Variants in PNPLA3 observed in about 807,000 individuals in gnomAD.
PNPLA3 encodes the protein 1-acylglycerol-3-phosphate O-acyltransferase PNPLA3.
A neutral mutation model predicts 43.1 loss-of-function variants in PNPLA3; 42 were observed. The ratio of observed to expected loss-of-function variants is 0.97; its 90% CI spans 0.76 to 1.26. The LOEUF is 1.26. Among genes scored for constraint, PNPLA3 ranks in the 50% most tolerant of loss-of-function variants. PNPLA3 has a pLI of 0.00. For missense variants in PNPLA3, 647 were observed against 621.4 expected (o/e 1.04, Z -0.44); for synonymous variants, 272 against 253.6 (o/e 1.07, Z -0.69).
chr22:43,932,977 A>AC lies in PNPLA3; in HGVS notation c.586_587insC (p.Lys196ThrfsTer77), dbSNP rs2049971398. The AC allele has an allele frequency of 6.2e-7, 1 of 1,614,028 alleles. No individual in the cohort carries two copies. The highest frequency in any genetic ancestry group is 8.5e-7 in the Non-Finnish European group (1 of 1,180,024). On this transcript the variant is annotated frameshift_variant, in exon 4 of 9. Coordinates refer to ENST00000216180, the MANE Select transcript of PNPLA3 (RefSeq NM_025225.3). LOFTEE classifies it high-confidence loss of function. ...CTATGGGGAGTACGACATCTGCCCT[A>AC]AAGTCAAGTCCACGAACTTTCTTCA...
chr22:43,939,769 T>C (rs1312175693), intron 6 of PNPLA3, among the ~76,000 whole-genome samples: 5 of 148,714 alleles, frequency 3.4e-5, no homozygotes, highest in African/African-American at 5.0e-5. Flanking sequence ...TGAGCCGAGA[T>C]TGCGCCATTG....
chr22:43,928,177 G>T (rs1157749186), intron 2 of PNPLA3, among the ~76,000 whole-genome samples: 3 of 152,350 alleles, frequency 2.0e-5, no homozygotes, highest in African/African-American at 7.2e-5. Flanking sequence ...CAGCAGCCTG[G>T]CGCGTCTAAC....
At position 43,935,685 on chromosome 22, in the gene PNPLA3, G is replaced by C. The variant is rs193101206; in HGVS notation, c.757+1019G>C. Among the ~76,000 whole-genome samples the C allele has an allele frequency of 1.2e-4, 18 of 152,090 alleles. No homozygotes were observed. The East Asian group carries it at 3.3e-3, about 28-fold the overall frequency. On this transcript the variant is annotated intron_variant, in intron 5 of 8. Transcript: ENST00000216180. Reference sequence around the variant, plus strand: ...GGAGGGGTGGGGATGGGGACACTAAGAGATGGCTGGAAGTGTGGGGGTGGG... The same window carrying C: ...GGAGGGGTGGGGATGGGGACACTAACAGATGGCTGGAAGTGTGGGGGTGGG...
At position 43,946,167 on chromosome 22, in the gene PNPLA3, G is replaced by A; in HGVS notation, c.1231G>A (p.Val411Met). The change falls in exon 9 of 9, where the codon GTG becomes ATG. Residue 411 changes from valine (V) to methionine (M), a missense_variant. By Grantham distance (21) the Val-to-Met change is conservative (BLOSUM62 1). Coordinates refer to ENST00000216180, the MANE Select transcript of PNPLA3 (RefSeq NM_025225.3). The stretch of plus-strand genomic sequence containing the variant: ...CATGTGTTTCAGGTCCCAAATGCCA[G>A]TGAGCAGCCAACAGGCCTCCCCATG... ...LLPASRSQMPVSSQQASPCTP... is the reference protein window; with the variant it reads ...LLPASRSQMPMSSQQASPCTP... 6.2e-7 allele frequency: 1 copy of A among 1,613,024 alleles called. No individual in the cohort carries two copies. Among genetic ancestry groups the A allele is most frequent in the Non-Finnish European group, 8.5e-7 (1 of 1,179,068 alleles).
chr22:43,924,274 C>A, intron 1 of PNPLA3, 176 bp downstream of exon 1: 1 of 798,028 alleles, frequency 1.3e-6, no homozygotes, highest in Non-Finnish European at 1.8e-6. Context: ...GGGCGCTGTT[C>A]CTGGGCCCGG....
Position 43,940,211 on chromosome 22 carries a change from T to G in PNPLA3, c.1112+86T>G, listed in dbSNP as rs778223816. On this transcript the variant is annotated intron_variant, in intron 7 of 8. Transcript: ENST00000216180. Reference sequence around the variant, plus strand: ...TGATAGATCATGGTGGCATGTAGTCTGGGACCTGGATTGTCGTGCCACAGA... The same window carrying G: ...TGATAGATCATGGTGGCATGTAGTCGGGGACCTGGATTGTCGTGCCACAGA... 16 of 1,465,464 alleles carry G rather than the reference T, an allele frequency of 1.1e-5. No individual in the cohort carries two copies. The Middle Eastern group carries it at 5.3e-4, about 49-fold the overall frequency. The allele number at this position is 1,465,464 out of a possible 1,614,324, so 90.8% of individuals were successfully genotyped here. A position where few individuals can be genotyped will look rare whatever the true frequency, so the allele number is the denominator to read the frequency against.
intron 2 of PNPLA3, 41 bp from the exon 3 acceptor site, chr22:43,928,783 G>T (rs1450847650): frequency 6.4e-7 from 1 of 1,553,546 alleles, no homozygotes; most frequent in East Asian, 2.2e-5. Context: ...AAATTAAAAG[G>T]GTGCTCTCGC....
intron 4 of PNPLA3, among the ~76,000 whole-genome samples, chr22:43,934,135 G>T (rs2049979089): frequency 6.6e-6 from 1 of 151,742 alleles, no homozygotes; most frequent in Non-Finnish European, 1.5e-5. Flanking sequence ...TGGCCAACAT[G>T]GTGAAACCCC....
chr22:43,945,215 A>AGC (rs1008190701), intron 8 of PNPLA3, among the ~76,000 whole-genome samples: 5 of 152,190 alleles, frequency 3.3e-5, no homozygotes, highest in African/African-American at 1.2e-4. Context: ...GGGCAGGGCT[A>AGC]GCAGAGCTCC....
rs1278413774 is a variant in PNPLA3, at chr22:43,944,747, C to A, written c.1169C>A (p.Thr390Asn). Residue 390 changes from threonine (T) to asparagine (N), a missense_variant, in exon 8 of 9, where the codon ACC becomes AAC. By Grantham distance (65) the Thr-to-Asn change is moderately conservative. Coordinates refer to ENST00000216180, the MANE Select transcript of PNPLA3 (RefSeq NM_025225.3). ...PDDVLWLQWVTSQVFTRVLMC... is the reference protein window; with the variant it reads ...PDDVLWLQWVNSQVFTRVLMC... The stretch of plus-strand genomic sequence containing the variant: ...GATGTCCTGTGGTTGCAGTGGGTGA[C>A]CTCACAGGTGTTCACTCGAGTGCTG... 1.9e-6 allele frequency: 3 copies of A among 1,614,074 alleles called. No individual in the cohort carries two copies. In the African/African-American group the frequency reaches 4.0e-5, roughly 22 times the overall value.
At chr22:43,924,676 T>C (rs986579634) in intron 1 of PNPLA3, among the ~76,000 whole-genome samples, 34 of 151,098 alleles carry the variant, frequency 2.3e-4, no homozygotes, top group African/African-American at 8.0e-4. Context: ...GAGACGGAGT[T>C]TCGCTCAGTC....
intron 3 of PNPLA3, among the ~76,000 whole-genome samples, chr22:43,932,090 G>A (rs548985077): frequency 6.6e-6 from 1 of 152,246 alleles, no homozygotes; most frequent in East Asian, 1.9e-4. Flanking sequence ...GGCTGGCTCT[G>A]ATGGCTGGCT....
chr22:43,945,864 G>A (rs943154363), intron 8 of PNPLA3, among the ~76,000 whole-genome samples: 1 of 152,074 alleles, frequency 6.6e-6, no homozygotes, highest in African/African-American at 2.4e-5. Context: ...AGGCAAGTAG[G>A]TTTGTGTGGG....
At chr22:43,934,899 G>C (rs964788938) in intron 5 of PNPLA3, among the ~76,000 whole-genome samples, 3 of 152,126 alleles carry the variant, frequency 2.0e-5, no homozygotes, top group African/African-American at 7.2e-5. Context: ...CTGAGGGGCA[G>C]AGCCGAGATT....
chr22:43,934,635 T>C lies in PNPLA3; in HGVS notation c.726T>C (p.Tyr242=). The change falls in exon 5 of 9, where the codon TAT becomes TAC. Residue 242 remains tyrosine, a synonymous_variant. Transcript: ENST00000216180. The part of the protein sequence containing the change: ...KVLGEICLRG[Y]LDAFRFLEEK... ...TGGGAGAGATATGCCTTCGAGGATA[T>C]TTGGATGCATTCAGGTTCTTGGAAG... is the stretch of plus-strand genomic sequence containing the variant. 6.2e-7 allele frequency: 1 copy of C among 1,613,934 alleles called. No individual in the cohort carries two copies. The highest frequency in any genetic ancestry group is 8.5e-7 in the Non-Finnish European group (1 of 1,179,838).
chr22:43,941,800 A>G (rs1158651517), intron 7 of PNPLA3, among the ~76,000 whole-genome samples: 1 of 152,134 alleles, frequency 6.6e-6, no homozygotes, highest in Non-Finnish European at 1.5e-5. Flanking sequence ...TAAAAAAAAA[A>G]AAATTACCCT....
At position 43,946,197 on chromosome 22, in the gene PNPLA3, C is replaced by G. The variant is rs754106300; in HGVS notation, c.1261C>G (p.Pro421Ala). 6.2e-7 allele frequency: 1 copy of G among 1,614,184 alleles called. No homozygotes were observed. Among genetic ancestry groups the G allele is most frequent in the Non-Finnish European group, 8.5e-7 (1 of 1,180,044 alleles). ...VSSQQASPCT[P>A]EQDWPCWTPC... is the part of the protein sequence containing the mutation. ...CAGCCAACAGGCCTCCCCATGCACACCTGAGCAGGACTGGCCCTGCTGGAC... is the reference window on the plus strand; with the variant it reads ...CAGCCAACAGGCCTCCCCATGCACAGCTGAGCAGGACTGGCCCTGCTGGAC... The change falls in exon 9 of 9, where the codon CCT becomes GCT. Residue 421 changes from proline to alanine, a missense_variant. Physicochemically the swap from Pro to Ala is conservative, Grantham distance 27. Coordinates refer to ENST00000216180, the MANE Select transcript of PNPLA3 (RefSeq NM_025225.3).
intron 5 of PNPLA3, 51 bp from the exon 6 acceptor site, chr22:43,937,000 A>G: frequency 6.7e-7 from 1 of 1,494,122 alleles, no homozygotes; most frequent in Non-Finnish European, 9.2e-7. Flanking sequence ...GTGGGTAACG[A>G]CCACCACTCC....
intron 5 of PNPLA3, among the ~76,000 whole-genome samples, chr22:43,935,377 C>G (rs922405161): frequency 1.6e-4 from 25 of 152,128 alleles, no homozygotes; most frequent in African/African-American, 6.0e-4. Flanking sequence ...GTGACCCTTG[C>G]CAGCCTTGTG....
Sources: gnomAD v4.1 joint callset for allele counts (sites outside exome capture counted in the v4.1 genomes callset) on GRCh38, gnomAD v4.1.1 for gene constraint, MANE v1.5 for transcripts, NCBI Gene and HGNC (gene_info 2026-07-23, HGNC 2026-07-21) for gene names.